The following DYNC1I2 variants were observed in gnomAD, a reference collection of about 807,000 sequenced individuals.
The protein encoded by DYNC1I2 is cytoplasmic dynein 1 intermediate chain 2.
DYNC1I2 carries 53 observed loss-of-function variants against 88.6 expected under a neutral mutation model. The observed-to-expected ratio is 0.60, with a 90% confidence interval of 0.48 to 0.75. The LOEUF (loss-of-function observed/expected upper bound fraction) is 0.75. Among genes scored for constraint, DYNC1I2 ranks in the 30% least tolerant of loss-of-function variants. The probability of loss-of-function intolerance (pLI) is 0.00; values close to 1 mark genes in which losing one functional copy is unlikely to be tolerated. For missense variants in DYNC1I2, 458 were observed against 766.6 expected (o/e 0.60, Z 4.75); for synonymous variants, 198 against 254.6 (o/e 0.78, Z 2.12).
Position 171,715,452 on chromosome 2 carries a change from C to T in DYNC1I2, c.511+9C>T. 6.6e-7 allele frequency: 1 copy of T among 1,504,162 alleles called. No homozygotes were observed. The highest frequency in any genetic ancestry group is 1.2e-5 in the South Asian group (1 of 83,246). 93.2% of individuals were successfully genotyped at this position (1,504,162 alleles called of 1,614,324 possible). ...GGCTCAACCCAAAGAAGGTGAATAT[C>T]TATCCTTAGTATAATTGTCATTGAG... On this transcript the variant is annotated intron_variant, in intron 7 of 17. Coordinates refer to ENST00000397119, the MANE Select transcript of DYNC1I2 (RefSeq NM_001378.3).
intron 3 of DYNC1I2, among the ~76,000 whole-genome samples, chr2:171,697,671 G>C (rs1261824654): frequency 6.8e-6 from 1 of 146,952 alleles, no homozygotes; most frequent in Non-Finnish European, 1.5e-5. Flanking sequence ...AACATGGCAA[G>C]ACCCTGTCTC....
intron 17 of DYNC1I2, among the ~76,000 whole-genome samples, chr2:171,747,207 T>TTA (rs67834157): frequency 0.17 from 21,718 of 124,400 alleles, 1,953 homozygotes; most frequent in Admixed American, 0.24. Flanking sequence ...AAAAAAAAAA[T>TTA]TATATATATA....
chr2:171,739,025 G>A (rs1689208196), intron 15 of DYNC1I2, among the ~76,000 whole-genome samples: 1 of 150,582 alleles, frequency 6.6e-6, no homozygotes, highest in Non-Finnish European at 1.5e-5. Flanking sequence ...GTGCATGCCT[G>A]TAATCCCAGC....
chr2:171,699,644 G>C (rs1243654356), intron 3 of DYNC1I2, among the ~76,000 whole-genome samples: 2 of 149,988 alleles, frequency 1.3e-5, no homozygotes, highest in Non-Finnish European at 3.0e-5. Context: ...GGCGGCGGGC[G>C]GGGGTGCAGT....
At chr2:171,720,121 G>T (rs563634571) in intron 7 of DYNC1I2, among the ~76,000 whole-genome samples, 15 of 150,206 alleles carry the variant, frequency 1.0e-4, no homozygotes, top group African/African-American at 3.4e-4. Context: ...TGTTTACTCT[G>T]AGGAAACTGA....
intron 4 of DYNC1I2, chr2:171,706,870 A>G (rs896166344): frequency 4.9e-6 from 2 of 404,094 alleles, no homozygotes; most frequent in African/African-American, 4.1e-5. Flanking sequence ...ACTTAATGAA[A>G]CATATTTCAG....
At chr2:171,744,817 A>G (rs1267613944) in intron 16 of DYNC1I2, among the ~76,000 whole-genome samples, 1 of 152,190 alleles carries the variant, frequency 6.6e-6, no homozygotes, top group Non-Finnish European at 1.5e-5. Flanking sequence ...GAGAAGCTTA[A>G]AAATGTTCTT....
rs181408677 is a variant in DYNC1I2, at chr2:171,736,928, G to A, written c.1536+7075G>A. Among the ~76,000 whole-genome samples, 135 of 152,134 alleles carry A rather than the reference G, an allele frequency of 8.9e-4. No homozygotes were observed. In the Middle Eastern group the frequency reaches 0.01, roughly 11 times the overall value. On this transcript the variant is annotated intron_variant, in intron 15 of 17. Transcript: ENST00000397119. The stretch of plus-strand genomic sequence containing the variant: ...CTTTGTTATTAATCTAGAACTCCCC[G>A]CTTACCCCAGCTTTGAAAAATAATC...
intron 5 of DYNC1I2, 110 bp downstream of exon 5, chr2:171,707,487 T>A: frequency 1.1e-6 from 1 of 905,512 alleles, no homozygotes; most frequent in South Asian, 3.6e-5. Context: ...GTCCTAACAT[T>A]TTAAAATCTA....
chr2:171,730,820 G>A (rs1286168080), intron 15 of DYNC1I2, among the ~76,000 whole-genome samples: 1 of 152,092 alleles, frequency 6.6e-6, no homozygotes. Flanking sequence ...CCTAATGTAA[G>A]AGATGTTCTT....
intron 6 of DYNC1I2, among the ~76,000 whole-genome samples, chr2:171,714,713 G>C (rs1358395318): frequency 2.6e-5 from 4 of 152,172 alleles, no homozygotes; most frequent in Non-Finnish European, 5.9e-5. Context: ...TCTAAGTGTA[G>C]AATATCTGGA....
At chr2:171,743,608 T>C (rs1387187443) in intron 15 of DYNC1I2, among the ~76,000 whole-genome samples, 1 of 152,208 alleles carries the variant, frequency 6.6e-6, no homozygotes, top group Non-Finnish European at 1.5e-5. Context: ...AGAGGTTTGT[T>C]TCCACCTGAT....
At chr2:171,729,588 G>T in intron 14 of DYNC1I2, 121 bp from the exon 15 acceptor site, 1 of 1,001,398 alleles carries the variant, frequency 1.0e-6, no homozygotes, top group Non-Finnish European at 1.5e-6. Context: ...TAAGTTATGA[G>T]CACAGAGTTA....
At chr2:171,712,005 A>G (rs1302199478) in intron 5 of DYNC1I2, among the ~76,000 whole-genome samples, 1 of 152,208 alleles carries the variant, frequency 6.6e-6, no homozygotes, top group African/African-American at 2.4e-5. Context: ...GCTTAAGTGG[A>G]AAAGATCCTC....
At chr2:171,700,517 T>G (rs1482253647) in intron 3 of DYNC1I2, among the ~76,000 whole-genome samples, 1 of 152,190 alleles carries the variant, frequency 6.6e-6, no homozygotes, top group Non-Finnish European at 1.5e-5. Flanking sequence ...TTAATAGAGT[T>G]TTAAGCAGGA....
intron 15 of DYNC1I2, among the ~76,000 whole-genome samples, chr2:171,743,613 C>T (rs1689592823): frequency 6.6e-6 from 1 of 152,134 alleles, no homozygotes; most frequent in Non-Finnish European, 1.5e-5. Flanking sequence ...TTTGTTTCCA[C>T]CTGATTTTAT....
chr2:171,717,149 T>C (rs972959177), intron 7 of DYNC1I2, among the ~76,000 whole-genome samples: 3 of 148,116 alleles, frequency 2.0e-5, no homozygotes, highest in Non-Finnish European at 4.5e-5. Flanking sequence ...TTCTTTTTTT[T>C]TTTTTTTTTT....
At chr2:171,717,581 T>A (rs1002714094) in intron 7 of DYNC1I2, among the ~76,000 whole-genome samples, 3 of 152,166 alleles carry the variant, frequency 2.0e-5, no homozygotes, top group Non-Finnish European at 2.9e-5. Flanking sequence ...CAACTTTTTT[T>A]AAAAAGAAAG....
chr2:171,736,546 AT>A (rs1689021160), intron 15 of DYNC1I2, among the ~76,000 whole-genome samples: 4 of 152,190 alleles, frequency 2.6e-5, no homozygotes, highest in Non-Finnish European at 4.4e-5. Flanking sequence ...TATAATTTGA[AT>A]GTTTAATGGC....
Sources: gnomAD v4.1 joint callset for allele counts (sites outside exome capture counted in the v4.1 genomes callset) on GRCh38, gnomAD v4.1.1 for gene constraint, MANE v1.5 for transcripts, NCBI Gene and HGNC (gene_info 2026-07-23, HGNC 2026-07-21) for gene names.